Variants in NECAB1 observed in about 807,000 individuals in gnomAD.
NECAB1 encodes N-terminal EF-hand calcium-binding protein 1.
Under a neutral mutation model 57.5 loss-of-function variants are expected in NECAB1, and 29 were observed. The ratio of observed to expected loss-of-function variants is 0.50; its 90% confidence interval spans 0.38 to 0.69. NECAB1 has a LOEUF of 0.69. NECAB1 is among the 30% of genes least tolerant of loss of function. The pLI is 0.00. For missense variants in NECAB1, 372 were observed against 413.8 expected (o/e 0.90, Z 0.88); for synonymous variants, 142 against 147.7 (o/e 0.96, Z 0.28).
intron 2 of NECAB1, among the ~76,000 whole-genome samples, chr8:90,802,625 C>T (rs1253173869): frequency 1.3e-5 from 2 of 152,132 alleles, no homozygotes; most frequent in Non-Finnish European, 2.9e-5. Flanking sequence ...AGTTTAAAGA[C>T]ATATGTTGTG....
intron 2 of NECAB1, among the ~76,000 whole-genome samples, chr8:90,824,125 T>C (rs1158762034): frequency 6.6e-6 from 1 of 151,906 alleles, no homozygotes; most frequent in Non-Finnish European, 1.5e-5. Flanking sequence ...TTATAATGTC[T>C]GTATATATTA....
At chr8:90,945,937 A>G (rs979511325) in intron 10 of NECAB1, among the ~76,000 whole-genome samples, 2 of 152,244 alleles carry the variant, frequency 1.3e-5, no homozygotes, top group Non-Finnish European at 2.9e-5. Flanking sequence ...GGTGAGTAGA[A>G]TCACATAAGA....
intron 1 of NECAB1, among the ~76,000 whole-genome samples, chr8:90,799,874 G>A (rs939310384): frequency 6.6e-6 from 1 of 152,106 alleles, no homozygotes; most frequent in Non-Finnish European, 1.5e-5. Flanking sequence ...GAATAGTATT[G>A]AATGTATACA....
At chr8:90,795,842 A>C (rs1811651642) in intron 1 of NECAB1, among the ~76,000 whole-genome samples, 1 of 152,146 alleles carries the variant, frequency 6.6e-6, no homozygotes. Flanking sequence ...TAGTTATAGG[A>C]AACAGCAGAA....
intron 3 of NECAB1, among the ~76,000 whole-genome samples, chr8:90,829,237 T>C (rs553233600): frequency 6.6e-6 from 1 of 152,100 alleles, no homozygotes; most frequent in Admixed American, 6.6e-5. Flanking sequence ...AGCTTACAAA[T>C]TGGAACCATC....
chr8:90,948,942 A>G (rs1035573391), intron 10 of NECAB1, among the ~76,000 whole-genome samples: 6 of 152,072 alleles, frequency 3.9e-5, no homozygotes, highest in African/African-American at 1.4e-4. Context: ...ACCTCAACCT[A>G]TGTTTTCAGC....
chr8:90,800,775 T>C (rs1811745857), intron 1 of NECAB1, among the ~76,000 whole-genome samples: 1 of 152,168 alleles, frequency 6.6e-6, no homozygotes, highest in African/African-American at 2.4e-5. Context: ...TGACCTGTCA[T>C]TCACTGGCCC....
intron 5 of NECAB1, among the ~76,000 whole-genome samples, chr8:90,910,010 G>A (rs2740798): frequency 1.3e-5 from 2 of 151,484 alleles, no homozygotes; most frequent in Non-Finnish European, 3.0e-5. Context: ...TGTTATTTTT[G>A]ATTTTAAAAG....
intron 3 of NECAB1, among the ~76,000 whole-genome samples, chr8:90,846,918 T>A (rs1259957416): frequency 2.0e-5 from 3 of 152,156 alleles, no homozygotes; most frequent in African/African-American, 7.2e-5. Flanking sequence ...CAATTCAAGA[T>A]GAGATTTGGG....
chr8:90,798,091 C>A (rs1563490057), intron 1 of NECAB1, among the ~76,000 whole-genome samples: 1 of 152,182 alleles, frequency 6.6e-6, no homozygotes, highest in Non-Finnish European at 1.5e-5. Context: ...CTGATGGCAC[C>A]TGTCAGTACT....
chr8:90,858,464 A>G (rs2129800362), intron 3 of NECAB1, among the ~76,000 whole-genome samples: 1 of 152,328 alleles, frequency 6.6e-6, no homozygotes, highest in South Asian at 2.1e-4. Flanking sequence ...CTCTATATAA[A>G]GGGTTTTGAA....
intron 6 of NECAB1, among the ~76,000 whole-genome samples, chr8:90,918,947 A>G (rs945638581): frequency 6.6e-6 from 1 of 152,198 alleles, no homozygotes; most frequent in African/African-American, 2.4e-5. Context: ...TACAGACTAC[A>G]TGAACCTGGA....
At chr8:90,878,678 G>A (rs1185811465) in intron 4 of NECAB1, among the ~76,000 whole-genome samples, 4 of 151,876 alleles carry the variant, frequency 2.6e-5, no homozygotes, top group African/African-American at 4.8e-5. Flanking sequence ...TTGGAGAGTT[G>A]AGATGAATAA....
At chr8:90,847,359 C>T (rs1006727205) in intron 3 of NECAB1, among the ~76,000 whole-genome samples, 1 of 152,230 alleles carries the variant, frequency 6.6e-6, no homozygotes, top group Non-Finnish European at 1.5e-5. Context: ...CAGCTCTGCC[C>T]CTGTGGCTTT....
At chr8:90,856,086 C>G (rs1301183067) in intron 3 of NECAB1, among the ~76,000 whole-genome samples, 1 of 152,112 alleles carries the variant, frequency 6.6e-6, no homozygotes, top group Non-Finnish European at 1.5e-5. Flanking sequence ...GTTACCACCC[C>G]TAGACTGCAG....
chr8:90,826,442 G>C (rs978933190), intron 3 of NECAB1, among the ~76,000 whole-genome samples: 2 of 151,868 alleles, frequency 1.3e-5, no homozygotes, highest in Non-Finnish European at 2.9e-5. Context: ...ATCGCTACTG[G>C]GGAAGAATGT....
At chr8:90,919,402 C>T (rs757178761) in intron 6 of NECAB1, among the ~76,000 whole-genome samples, 7 of 152,146 alleles carry the variant, frequency 4.6e-5, no homozygotes, top group Non-Finnish European at 1.0e-4. Context: ...TTAACTGATA[C>T]ATAATTATTA....
At chr8:90,880,333 G>T (rs560967903) in intron 4 of NECAB1, among the ~76,000 whole-genome samples, 75 of 152,090 alleles carry the variant, frequency 4.9e-4, no homozygotes, top group African/African-American at 1.7e-3. Flanking sequence ...TTTATGTTAA[G>T]CTAGTTTGCT....
At chr8:90,919,090 T>C (rs925720162) in intron 6 of NECAB1, among the ~76,000 whole-genome samples, 3 of 152,124 alleles carry the variant, frequency 2.0e-5, no homozygotes, top group Non-Finnish European at 4.4e-5. Context: ...CATATTGCAA[T>C]AGCTATATAA....
Sources: gnomAD v4.1 joint callset for allele counts (sites outside exome capture counted in the v4.1 genomes callset) on GRCh38, gnomAD v4.1.1 for gene constraint, MANE v1.5 for transcripts, NCBI Gene and HGNC (gene_info 2026-07-23, HGNC 2026-07-21) for gene names.